CDH3: variants seen among roughly 807,000 people sequenced by gnomAD.
The protein encoded by CDH3 is cadherin 3.
A neutral mutation model predicts 82.0 loss-of-function variants in CDH3; 54 were observed. That is an observed-to-expected ratio of 0.66 (90% confidence interval 0.53 to 0.83). The LOEUF is 0.83. Among genes scored for constraint, CDH3 ranks in the 40% least tolerant of loss-of-function variants. The pLI, the probability that CDH3 is intolerant of heterozygous loss-of-function variation, is 0.00. For synonymous variants in CDH3, 446 were observed against 437.9 expected (o/e 1.02, Z -0.23); for missense variants, 1,054 against 1,084.6 (o/e 0.97, Z 0.40).
At chr16:68,690,861 C>A (rs968323286) in intron 12 of CDH3, among the ~76,000 whole-genome samples, 2 of 151,902 alleles carry the variant, frequency 1.3e-5, no homozygotes, top group African/African-American at 4.8e-5. Flanking sequence ...GAGCTGAGAT[C>A]ACGCCACTGC....
chr16:68,645,764 G>T lies in CDH3; in HGVS notation c.160+14G>T. On this transcript the variant is annotated intron_variant, in intron 2 of 15. Transcript: ENST00000264012. The stretch of plus-strand genomic sequence containing the variant: ...CGCTGGGGAAAGGTAAGATCCTCAG[G>T]GTGGAACCGCAGGGTAGGGGCCGCA... 4 of 1,533,824 alleles carry T rather than the reference G, an allele frequency of 2.6e-6. No individual in the cohort carries two copies. The highest frequency in any genetic ancestry group is 3.5e-6 in the Non-Finnish European group (4 of 1,138,460).
At position 68,664,729 on chromosome 16, in the gene CDH3, A is replaced by G. The variant is rs931632435; in HGVS notation, c.161-11656A>G. Among the ~76,000 whole-genome samples the G allele has an allele frequency of 5.3e-5, 8 of 152,060 alleles. No individual in the cohort carries two copies. The South Asian group carries it at 1.2e-3, about 24-fold the overall frequency. Reference sequence around the variant, plus strand: ...GGCTGGAGTGCATGGTGTGATCACGACTCACTGCAGCCTTGATCTCCCAGG... The same window carrying G: ...GGCTGGAGTGCATGGTGTGATCACGGCTCACTGCAGCCTTGATCTCCCAGG... On this transcript the variant is annotated intron_variant, in intron 2 of 15. Coordinates refer to ENST00000264012, the MANE Select transcript of CDH3 (RefSeq NM_001793.6).
chr16:68,706,059 C>G (rs1197563008), intron 1 of CDH3, among the ~76,000 whole-genome samples: 2 of 133,212 alleles, frequency 1.5e-5, no homozygotes, highest in Admixed American at 7.4e-5. Context: ...AGCAAGACTC[C>G]GTCTCAAAAA....
chr16:68,684,717 G>A lies in CDH3; in HGVS notation c.1317G>A (p.Val439=). Reference sequence around the variant, plus strand: ...TGGAGGATGTGAATGAGGCACCTGTGTTTGTCCCACCCTCCAAAGTCGTTG... The same window carrying A: ...TGGAGGATGTGAATGAGGCACCTGTATTTGTCCCACCCTCCAAAGTCGTTG... The part of the protein sequence containing the change: ...VHVEDVNEAP[V]FVPPSKVVEV... Residue 439 remains valine, a synonymous_variant, in exon 10 of 16, where the codon GTG becomes GTA. Transcript: ENST00000264012. The A allele has an allele frequency of 1.2e-6, 2 of 1,614,214 alleles. No individual in the cohort carries two copies. Among genetic ancestry groups the A allele is most frequent in the East Asian group, 2.2e-5 (1 of 44,866 alleles).
At chr16:68,662,262 A>G (rs1960604025) in intron 2 of CDH3, among the ~76,000 whole-genome samples, 1 of 152,154 alleles carries the variant, frequency 6.6e-6, no homozygotes, top group Non-Finnish European at 1.5e-5. Context: ...ATTTAAGAAG[A>G]GGCTCAATGT....
chr16:68,687,483 G>T (rs371617415), intron 11 of CDH3, 29 bp from the exon 12 acceptor site: 2 of 1,590,178 alleles, frequency 1.3e-6, no homozygotes, highest in Admixed American at 1.7e-5. Flanking sequence ...GGGTCACAGG[G>T]AGCTCATCAT....
intron 11 of CDH3, among the ~76,000 whole-genome samples, chr16:68,687,234 G>A (rs934228940): frequency 1.4e-4 from 21 of 152,168 alleles, no homozygotes; most frequent in African/African-American, 5.1e-4. Context: ...GAAGCTGATC[G>A]ACAAACACTG....
Position 68,716,635 on chromosome 16 carries a change from A to AG in CDH3, c.100-5790_100-5789insG, listed in dbSNP as rs1555508504. ...GACTCCGGCTCAAAAAAAAAAAAAA[A>AG]AAAAGAAAAGAAAAAAACTGATAAC... On this transcript the variant is annotated intron_variant, in intron 1 of 2. Coordinates refer to the CDH3 transcript ENST00000569080. Among the ~76,000 whole-genome samples the AG allele has an allele frequency of 3.9e-3, 593 of 150,530 alleles. 4 individuals carry two copies. The highest frequency in any genetic ancestry group is 0.013 in the African/African-American group (551 of 40,832).
intron 2 of CDH3, among the ~76,000 whole-genome samples, chr16:68,654,709 A>AT (rs1555504510): frequency 4.9e-5 from 6 of 123,224 alleles, no homozygotes; most frequent in Middle Eastern, 4.1e-3. Flanking sequence ...TCTCAAAAAA[A>AT]AAAAATATAT....
At chr16:68,712,750 T>C (rs1162059094) in intron 1 of CDH3, among the ~76,000 whole-genome samples, 1 of 151,980 alleles carries the variant, frequency 6.6e-6, no homozygotes, top group Non-Finnish European at 1.5e-5. Context: ...GGCTCGATCT[T>C]GGCTCACTGC....
intron 2 of CDH3, among the ~76,000 whole-genome samples, chr16:68,664,509 T>G (rs1960683091): frequency 6.6e-6 from 1 of 152,170 alleles, no homozygotes; most frequent in Non-Finnish European, 1.5e-5. Flanking sequence ...GCAGGGAATC[T>G]GGATTTTTTA....
chr16:68,687,469 G>C (rs1215527997), intron 11 of CDH3, 43 bp from the exon 12 acceptor site: 1 of 1,524,866 alleles, frequency 6.6e-7, no homozygotes, highest in Non-Finnish European at 9.1e-7. Flanking sequence ...GAGGCTGACT[G>C]GGTGGGTCAC....
At chr16:68,730,699 G>A (rs1962273734), downstream of CDH3, among the ~76,000 whole-genome samples, 1 of 151,998 alleles carries the variant, frequency 6.6e-6, no homozygotes, top group African/African-American at 2.4e-5. Context: ...GATATTTACA[G>A]GAGAAATGTT....
intron 2 of CDH3, 63 bp downstream of exon 2, chr16:68,645,813 C>A: frequency 1.6e-6 from 2 of 1,272,426 alleles, no homozygotes; most frequent in Non-Finnish European, 2.2e-6. Context: ...GTGTGGACCG[C>A]GCGAGGGGTG....
chr16:68,729,180 C>T (rs1051148104), downstream of CDH3, among the ~76,000 whole-genome samples: 3 of 152,182 alleles, frequency 2.0e-5, no homozygotes, highest in African/African-American at 7.2e-5. Flanking sequence ...TGGTGCTGGC[C>T]TGTAGTCCCA....
chr16:68,683,057 G>A lies in CDH3; in HGVS notation c.1182+570G>A, dbSNP rs541545471. The stretch of plus-strand genomic sequence containing the variant: ...GAGGCCAGGAGTTTCAGATGAGCCT[G>A]GTGAACATAGCAAGATCCCATCAGC... On this transcript the variant is annotated intron_variant, in intron 9 of 15. Coordinates refer to ENST00000264012, the MANE Select transcript of CDH3 (RefSeq NM_001793.6). Among the ~76,000 whole-genome samples the A allele has an allele frequency of 1.2e-3, 185 of 152,080 alleles. 2 individuals carry two copies. The highest frequency in any genetic ancestry group is 6.8e-3 in the Middle Eastern group (2 of 294).
rs758535368 is a variant in CDH3 at position 68,691,766 on chromosome 16, A to G, written c.1842A>G (p.Thr614=). The G allele has an allele frequency of 6.1e-5, 99 of 1,614,086 alleles. No homozygotes were observed. Among genetic ancestry groups the G allele is most frequent in the Non-Finnish European group, 8.1e-5 (96 of 1,180,036 alleles). The part of the protein sequence containing the change: ...LSLKKFLKQD[T]YDVHLSLSDH... ...TGAAGAAGTTCCTGAAGCAGGATAC[A>G]TATGACGTGCACCTTTCTCTGTCTG... Residue 614 remains threonine, a synonymous_variant, in exon 13 of 16, where the codon ACA becomes ACG. Coordinates refer to ENST00000264012, the MANE Select transcript of CDH3 (RefSeq NM_001793.6).
At chr16:68,712,037 C>CTTTTTTTTT (rs58452743) in intron 1 of CDH3, among the ~76,000 whole-genome samples, 8 of 119,414 alleles carry the variant, frequency 6.7e-5, no homozygotes, top group Non-Finnish European at 1.2e-4. Context: ...TTTTTGTTTT[C>CTTTTTTTTT]TTTTTTTTTT....
intron 2 of CDH3, among the ~76,000 whole-genome samples, chr16:68,649,559 T>G (rs989812358): frequency 5.9e-5 from 9 of 152,356 alleles, no homozygotes; most frequent in Middle Eastern, 3.4e-3. Context: ...TCTTTTTTTC[T>G]TAAAAACAGA....
Sources: gnomAD v4.1 joint callset for allele counts (sites outside exome capture counted in the v4.1 genomes callset) on GRCh38, gnomAD v4.1.1 for gene constraint, MANE v1.5 for transcripts, NCBI Gene and HGNC (gene_info 2026-07-23, HGNC 2026-07-21) for gene names.